NUP214: variants seen among roughly 807,000 people sequenced by gnomAD.
NUP214 encodes nuclear pore complex protein Nup214.
A neutral mutation model predicts 196.2 loss-of-function variants in NUP214; 79 were observed. The observed-to-expected ratio is 0.40, with a 90% CI of 0.34 to 0.49. The LOEUF (loss-of-function observed/expected upper bound fraction) is 0.49. NUP214 is among the 20% of genes least tolerant of loss of function. The pLI, the probability that NUP214 is intolerant of heterozygous loss-of-function variation, is 0.58. For synonymous variants in NUP214, 1,020 were observed against 990.5 expected (o/e 1.03, Z -0.56); for missense variants, 2,468 against 2,539.0 (o/e 0.97, Z 0.60).
rs750785630 is a variant in NUP214 at position 131,198,473 on chromosome 9, T to C, written c.4979T>C (p.Leu1660Pro). 1 of 1,614,142 alleles carries C rather than the reference T, an allele frequency of 6.2e-7. No homozygotes were observed. The highest frequency in any genetic ancestry group is 8.5e-7 in the Non-Finnish European group (1 of 1,180,034). Residue 1660 changes from leucine (L) to proline (P), a missense_variant, in exon 29 of 36, where the codon CTC becomes CCC. Physicochemically the swap from Leu to Pro is moderately conservative, Grantham distance 98. Around this residue, in one of 5 missense-constraint regions of NUP214, gnomAD observed 1,801 missense variants for 1,779.4 expected, o/e 1.01. Transcript: ENST00000359428. ...AGTTCTAGCTCAGCTTTCAACCAGC[T>C]CACCAACAACACAGCCACTGCCCCC... The part of the protein sequence containing the change: ...AASSSSAFNQ[L>P]TNNTATAPSA...
At position 131,144,403 on chromosome 9, in the gene NUP214, T is replaced by C; in HGVS notation, c.1418T>C (p.Leu473Pro). Residue 473 changes from leucine to proline, a missense_variant, in exon 12 of 36, where the codon CTT becomes CCT. By Grantham distance (98) the Leu-to-Pro change is moderately conservative. Around this residue, in one of 5 missense-constraint regions of NUP214, gnomAD observed 1,801 missense variants for 1,779.4 expected, o/e 1.01. Coordinates refer to ENST00000359428, the MANE Select transcript of NUP214 (RefSeq NM_005085.4). Reference sequence around the variant, plus strand: ...GCTCCCATTGCCACTTTTTCTTTGCTTCCTGCTGGTGGAGCCCCCACTGTG... The same window carrying C: ...GCTCCCATTGCCACTTTTTCTTTGCCTCCTGCTGGTGGAGCCCCCACTGTG... Reference protein sequence around the residue: ...PAAPIATFSLLPAGGAPTVFS... With the variant: ...PAAPIATFSLPPAGGAPTVFS... 6.2e-7 allele frequency: 1 copy of C among 1,614,184 alleles called. No individual in the cohort carries two copies. The highest frequency in any genetic ancestry group is 8.5e-7 in the Non-Finnish European group (1 of 1,180,018).
intron 17 of NUP214, among the ~76,000 whole-genome samples, chr9:131,155,312 C>T (rs1055109700): frequency 6.6e-6 from 1 of 152,100 alleles, no homozygotes; most frequent in African/African-American, 2.4e-5. Context: ...CTGTTCATGT[C>T]CTTAGCCCAC....
At chr9:131,129,192 T>C (rs1487978999) in intron 3 of NUP214, 87 bp from the exon 4 acceptor site, 22 of 1,077,668 alleles carry the variant, frequency 2.0e-5, no homozygotes, top group Non-Finnish European at 3.1e-5. Context: ...AGATACCTTG[T>C]GTATTCAGTA....
chr9:131,126,530 A>G (rs903367218), intron 1 of NUP214: 2 of 151,794 alleles, frequency 1.3e-5, no homozygotes, highest in Admixed American at 6.6e-5. Context: ...GGGCATAGTA[A>G]TACCATGTTT....
intron 17 of NUP214, among the ~76,000 whole-genome samples, chr9:131,157,640 T>G (rs779064723): frequency 2.3e-4 from 35 of 151,728 alleles, no homozygotes; most frequent in Non-Finnish European, 4.4e-4. Flanking sequence ...AATTTTTGTT[T>G]TTTGTTTTTT....
Position 131,125,695 on chromosome 9 carries a change from G to C in NUP214, c.-10G>C. 1 of 1,550,940 alleles carries C rather than the reference G, an allele frequency of 6.4e-7. No homozygotes were observed. Among genetic ancestry groups the C allele is most frequent in the Non-Finnish European group, 8.7e-7 (1 of 1,146,862 alleles). ...AGCGTTGGCTGCTTCGACACACTGA[G>C]GGCGGCGCGATGGGAGACGAGATGG... On this transcript the variant is annotated 5_prime_UTR_variant, in exon 1 of 36. Coordinates refer to ENST00000359428, the MANE Select transcript of NUP214 (RefSeq NM_005085.4). The surrounding 1 kb of genome is among the most constrained non-coding windows in gnomAD (Gnocchi z 4.1).
chr9:131,150,925 C>T (rs1175323961), intron 16 of NUP214, among the ~76,000 whole-genome samples, 160 bp downstream of exon 16: 1 of 152,100 alleles, frequency 6.6e-6, no homozygotes, highest in Admixed American at 6.6e-5. Flanking sequence ...GAGTTCAAAT[C>T]CTACCTTCAG....
chr9:131,194,845 A>G (rs1023594528), intron 27 of NUP214, among the ~76,000 whole-genome samples: 2 of 151,968 alleles, frequency 1.3e-5, no homozygotes, highest in Non-Finnish European at 2.9e-5. Flanking sequence ...GTCTTACCAG[A>G]CCTTCCTTCT....
intron 28 of NUP214, among the ~76,000 whole-genome samples, chr9:131,196,027 C>CG (rs1265684954): frequency 1.2e-4 from 3 of 24,330 alleles, no homozygotes; most frequent in Non-Finnish European, 2.1e-4. Context: ...TCTGTGTGTC[C>CG]CCCCCCCCCC....
chr9:131,175,252 A>G (rs1291984282), intron 22 of NUP214, among the ~76,000 whole-genome samples: 1 of 152,218 alleles, frequency 6.6e-6, no homozygotes, highest in Non-Finnish European at 1.5e-5. Flanking sequence ...TCAGGAAATG[A>G]TGATGTATCT....
At chr9:131,132,820 CCCTCTGGGTGACAT>C in intron 6 of NUP214, 161 bp downstream of exon 6, 2 of 660,910 alleles carry the variant, frequency 3.0e-6, no homozygotes, top group East Asian at 5.5e-5. Flanking sequence ...TAAATTATGG[CCCTCTGGGTGACAT>C]CTGTGTTTCA....
rs1834932583 is a variant in NUP214 at position 131,233,458 on chromosome 9, G to C, written c.6244G>C (p.Val2082Leu). ...GFSFGSNNSS[V>L]QGFGGWRS ...CTGTCCTGTGCTTCCTTGCAGGTCT[G>C]TCCAGGGTTTTGGTGGCTGGCGAAG... Residue 2082 changes from valine to leucine, a missense_variant, in exon 36 of 36, where the codon GTC (valine) becomes CTC (leucine). This residue lies in a region of NUP214 where 262 missense variants were observed against 296.5 expected (regional missense o/e 0.88). Transcript: ENST00000359428. 1.2e-6 allele frequency: 2 copies of C among 1,612,874 alleles called. No individual in the cohort carries two copies. Among genetic ancestry groups the C allele is most frequent in the East Asian group, 4.5e-5 (2 of 44,850 alleles).
At chr9:131,132,249 A>G (rs549790199) in intron 5 of NUP214, among the ~76,000 whole-genome samples, 1 of 150,534 alleles carries the variant, frequency 6.6e-6, no homozygotes, top group East Asian at 2.0e-4. Context: ...CCTCCCGAGT[A>G]GCTGGGATTA....
rs1832552289 is a variant in NUP214, at chr9:131,159,257, C to G, written c.2437-126C>G. 1.0e-5 allele frequency: 7 copies of G among 674,542 alleles called. No homozygotes were observed. In the South Asian group the frequency reaches 1.3e-4, roughly 13 times the overall value. 41.8% of individuals were successfully genotyped at this position (674,542 alleles called of 1,614,324 possible). A position where few individuals can be genotyped will look rare whatever the true frequency, so the allele number is the denominator to read the frequency against. On this transcript the variant is annotated intron_variant, in intron 17 of 35. Coordinates refer to ENST00000359428, the MANE Select transcript of NUP214 (RefSeq NM_005085.4). ...TTTAAAAATCGTATTAAAACCTATT[C>G]TGTTTTCCTTGTTCATTATGGTTCT...
At chr9:131,178,659 C>T (rs1049279771) in intron 24 of NUP214, among the ~76,000 whole-genome samples, 1 of 151,462 alleles carries the variant, frequency 6.6e-6, no homozygotes, top group African/African-American at 2.4e-5. Flanking sequence ...TTTCTGTTTG[C>T]CATGTGTAAG....
chr9:131,149,771 G>T (rs138558399), intron 14 of NUP214, among the ~76,000 whole-genome samples: 1 of 151,926 alleles, frequency 6.6e-6, no homozygotes, highest in East Asian at 1.9e-4. Flanking sequence ...GACCTACCCC[G>T]GCCTGCCTTC....
chr9:131,196,892 G>C (rs1057199296), intron 28 of NUP214, among the ~76,000 whole-genome samples: 3 of 152,228 alleles, frequency 2.0e-5, no homozygotes, highest in African/African-American at 4.8e-5. Flanking sequence ...AAAGCACACA[G>C]CTAGGGTAAA....
intron 21 of NUP214, among the ~76,000 whole-genome samples, chr9:131,171,390 T>C (rs1832952307): frequency 6.6e-6 from 1 of 152,196 alleles, no homozygotes; most frequent in Non-Finnish European, 1.5e-5. Context: ...TTATTGTTAC[T>C]ATCAGGAACT....
chr9:131,228,788 G>GC (rs1428860952), intron 33 of NUP214: 5 of 153,432 alleles, frequency 3.3e-5, no homozygotes, highest in Non-Finnish European at 5.8e-5. Context: ...CTCCCCTGCA[G>GC]CCCCCCAGAG....
Sources: allele counts gnomAD v4.1 joint callset (sites outside exome capture counted in the v4.1 genomes callset), GRCh38; gene constraint gnomAD v4.1.1; regional missense constraint gnomAD v4.1.1; non-coding constraint Gnocchi (gnomAD v3.1); transcripts MANE v1.5; gene names NCBI Gene and HGNC (gene_info 2026-07-23, HGNC 2026-07-21).